The following GOLGB1 variants were observed in gnomAD, a reference collection of about 807,000 sequenced individuals.
The protein encoded by GOLGB1 is golgin B1.
GOLGB1 carries 174 observed loss-of-function variants against 336.9 expected under a neutral mutation model. The ratio of observed to expected loss-of-function variants is 0.52; its 90% CI spans 0.46 to 0.59. GOLGB1 has a LOEUF of 0.59. Ranked by LOEUF, GOLGB1 falls within the 20% of genes least tolerant of loss-of-function variation. The pLI is 0.00. For missense variants in GOLGB1, 3,331 were observed against 3,645.3 expected, an observed-to-expected ratio of 0.91 and a Z score of 2.22; for synonymous variants, 1,208 against 1,289.2, an observed-to-expected ratio of 0.94 and a Z score of 1.35.
At chr3:121,715,251 T>G (rs1324846351) in intron 9 of GOLGB1, among the ~76,000 whole-genome samples, 1 of 151,238 alleles carries the variant, frequency 6.6e-6, no homozygotes, top group African/African-American at 2.4e-5. Flanking sequence ...TTGCCTAAGC[T>G]GGAGTGCAGT....
chr3:121,697,873 C>A lies in GOLGB1; in HGVS notation c.2650G>T (p.Asp884Tyr). Residue 884 changes from aspartate (D) to tyrosine (Y), a missense_variant, in exon 13 of 22, where the codon GAT (aspartate) becomes TAT (tyrosine). Transcript: ENST00000614479. ...SQKELEITKM[D>Y]QLLLEKKRDV... ...CTCTTTTTCTCTAGTAAGAGCTGATCCATTTTTGTTATTTCAAGTTCCTTC... is the reference window on the plus strand; with the variant it reads ...CTCTTTTTCTCTAGTAAGAGCTGATACATTTTTGTTATTTCAAGTTCCTTC... 6.2e-7 allele frequency: 1 copy of A among 1,614,010 alleles called. No individual in the cohort carries two copies. Among genetic ancestry groups the A allele is most frequent in the Non-Finnish European group, 8.5e-7 (1 of 1,179,928 alleles).
At chr3:121,673,704 T>TATCTATCC (rs1939910619) in intron 17 of GOLGB1, among the ~76,000 whole-genome samples, 1 of 152,024 alleles carries the variant, frequency 6.6e-6, no homozygotes, top group Non-Finnish European at 1.5e-5. Flanking sequence ...TCTATCTATC[T>TATCTATCC]ATCTATCTAT....
At chr3:121,677,907 T>C (rs1417514660) in intron 15 of GOLGB1, among the ~76,000 whole-genome samples, 1 of 152,202 alleles carries the variant, frequency 6.6e-6, no homozygotes, top group Admixed American at 6.5e-5. Context: ...CAAGTGCATC[T>C]GAAGGACACA....
In GOLGB1 at chr3:121,697,719, G is replaced by A. The variant is rs1943072721; in HGVS notation, c.2804C>T (p.Thr935Ile). The A allele has an allele frequency of 3.7e-6, 6 of 1,613,756 alleles. No homozygotes were observed. Among genetic ancestry groups the A allele is most frequent in the Non-Finnish European group, 5.1e-6 (6 of 1,179,952 alleles). The change falls in exon 13 of 22, where the codon ACT becomes ATT. Residue 935 changes from threonine (T) to isoleucine (I), a missense_variant. Transcript: ENST00000614479. ...EKFSLGVEIK[T>I]LKEQLNLLSR... Reference sequence around the variant, plus strand: ...TAATAAATTTAGCTGTTCTTTAAGAGTCTTAATTTCAACCCCAAGAGAAAA... The same window carrying A: ...TAATAAATTTAGCTGTTCTTTAAGAATCTTAATTTCAACCCCAAGAGAAAA...
At chr3:121,669,970 C>T (rs898964320) in intron 17 of GOLGB1, among the ~76,000 whole-genome samples, 1 of 152,186 alleles carries the variant, frequency 6.6e-6, no homozygotes, top group Non-Finnish European at 1.5e-5. Context: ...TCCCTTAAAG[C>T]AGGACTCTCC....
rs539404064 is a variant in GOLGB1 at position 121,735,089 on chromosome 3, A to G, written c.-2-4116T>C. 4.6e-5 allele frequency among the ~76,000 whole-genome samples: 7 copies of G among 152,370 alleles called. No individual in the cohort carries two copies. In the East Asian group the frequency reaches 1.3e-3, roughly 29 times the overall value. On this transcript the variant is annotated intron_variant, in intron 1 of 21. Transcript: ENST00000614479. ...TTTATATAACATTTTGAACAAGTCC[A>G]GAAATTAACCCACACAAATATAGTT...
intron 10 of GOLGB1, among the ~76,000 whole-genome samples, chr3:121,704,967 T>C (rs1382827909): frequency 6.6e-6 from 1 of 152,144 alleles, no homozygotes; most frequent in Non-Finnish European, 1.5e-5. Context: ...AAGAAAACAG[T>C]ATCAAATAGA....
At position 121,747,261 on chromosome 3, in the gene GOLGB1, ATATATATGTATATATG is replaced by A. The variant is rs1161947223; in HGVS notation, c.-3+2355_-3+2370del. 3.7e-5 allele frequency among the ~76,000 whole-genome samples: 5 copies of A among 136,814 alleles called. No individual in the cohort carries two copies. The South Asian group carries it at 6.9e-4, about 19-fold the overall frequency. 89.8% of individuals were successfully genotyped at this position (136,814 alleles called of 152,430 possible). ...ACAAAACAAAAATCCATGTGTGTATATATATATGTATATATGTATATATGTATATATATGTGTATAT... is the reference window on the plus strand; with the variant it reads ...ACAAAACAAAAATCCATGTGTGTATATATATATGTATATATATGTGTATAT... On this transcript the variant is annotated intron_variant, in intron 1 of 21. Coordinates refer to ENST00000614479, the MANE Select transcript of GOLGB1 (RefSeq NM_001366282.2).
At position 121,699,816 on chromosome 3, in the gene GOLGB1, C is replaced by T. The variant is rs752658356; in HGVS notation, c.1589G>A (p.Ser530Asn). The change falls in exon 12 of 22, where the codon AGT becomes AAT. Residue 530 changes from serine (S) to asparagine (N), a missense_variant. Physicochemically the swap from Ser to Asn is conservative, Grantham distance 46. Coordinates refer to ENST00000614479, the MANE Select transcript of GOLGB1 (RefSeq NM_001366282.2). Reference protein sequence around the residue: ...NRTGEADREVSEISIVDIANK... With the variant: ...NRTGEADREVNEISIVDIANK... ...TATTAAGAACACATCACTTACCTCACTGACTTCTCTGTCTGCCTCCCCAGT... is the reference window on the plus strand; with the variant it reads ...TATTAAGAACACATCACTTACCTCATTGACTTCTCTGTCTGCCTCCCCAGT... The T allele has an allele frequency of 2.5e-6, 4 of 1,585,410 alleles. No individual in the cohort carries two copies. The highest frequency in any genetic ancestry group is 2.6e-6 in the Non-Finnish European group (3 of 1,154,976).
At chr3:121,719,592 T>A in intron 7 of GOLGB1, 54 bp downstream of exon 7, 2 of 1,492,560 alleles carry the variant, frequency 1.3e-6, no homozygotes, top group African/African-American at 2.8e-5. Flanking sequence ...TTGGCTGTGA[T>A]GGATTAAATA....
chr3:121,741,945 A>G (rs928830317), intron 1 of GOLGB1, among the ~76,000 whole-genome samples: 6 of 152,172 alleles, frequency 3.9e-5, no homozygotes, highest in Non-Finnish European at 5.9e-5. Context: ...CTTGTCATAC[A>G]AGATAGGAAG....
chr3:121,690,210 G>T (rs1167652635), intron 14 of GOLGB1, among the ~76,000 whole-genome samples: 1 of 152,120 alleles, frequency 6.6e-6, no homozygotes, highest in Non-Finnish European at 1.5e-5. Flanking sequence ...CCCATGAGAT[G>T]AACTGAGTCC....
intron 5 of GOLGB1, among the ~76,000 whole-genome samples, chr3:121,724,562 C>CAAA (rs34839183): frequency 3.7e-5 from 5 of 135,074 alleles, no homozygotes; most frequent in East Asian, 2.1e-4. Context: ...GAAAACAGAG[C>CAAA]AAAAAAAAAA....
intron 16 of GOLGB1, 113 bp from the exon 17 acceptor site, chr3:121,677,143 T>TTAA (rs1311503219): frequency 7.4e-7 from 1 of 1,348,506 alleles, no homozygotes; most frequent in Non-Finnish European, 1.0e-6. Flanking sequence ...TTATGGGCAC[T>TTAA]TAATAGTGGC....
At chr3:121,707,565 T>C (rs898098424) in intron 10 of GOLGB1, among the ~76,000 whole-genome samples, 6 of 149,908 alleles carry the variant, frequency 4.0e-5, no homozygotes, top group African/African-American at 7.4e-5. Flanking sequence ...CCCAGGAGGA[T>C]GAGGCTGCAG....
intron 21 of GOLGB1, 130 bp from the exon 22 acceptor site, chr3:121,664,744 G>A: frequency 1.1e-6 from 1 of 940,354 alleles, no homozygotes; most frequent in Non-Finnish European, 1.7e-6. Context: ...GAGGAAAGTT[G>A]CCTCAGAGTC....
intron 17 of GOLGB1, among the ~76,000 whole-genome samples, chr3:121,676,625 G>C (rs1940417072): frequency 2.6e-5 from 4 of 152,196 alleles, no homozygotes; most frequent in Admixed American, 2.6e-4. Flanking sequence ...ATACAGGTCA[G>C]GGGGAAGGCT....
Position 121,695,758 on chromosome 3 carries a change from C to T in GOLGB1, c.4765G>A (p.Glu1589Lys). ...GATTCAATTTCCTTCACTAACTTTT[C>T]CTTGTCTTCAGTAAGACCCTCTAGA... ...LALEGLTEDK[E>K]KLVKEIESLK... Residue 1589 changes from glutamate to lysine, a missense_variant, in exon 13 of 22, where the codon GAA (glutamate) becomes AAA (lysine). Transcript: ENST00000614479. The T allele has an allele frequency of 6.2e-7, 1 of 1,612,282 alleles. No individual in the cohort carries two copies. The highest frequency in any genetic ancestry group is 8.5e-7 in the Non-Finnish European group (1 of 1,179,928).
chr3:121,669,108 G>T, intron 18 of GOLGB1, 104 bp downstream of exon 18: 1 of 1,099,910 alleles, frequency 9.1e-7, no homozygotes, highest in Non-Finnish European at 1.3e-6. Flanking sequence ...TTTCTTCCCT[G>T]ACCCCTAATT....
Sources: gnomAD v4.1 joint callset for allele counts (sites outside exome capture counted in the v4.1 genomes callset) on GRCh38, gnomAD v4.1.1 for gene constraint, MANE v1.5 for transcripts, NCBI Gene and HGNC (gene_info 2026-07-23, HGNC 2026-07-21) for gene names.